The following HUNK variants were observed in gnomAD, a reference collection of about 807,000 sequenced individuals.
HUNK encodes hormonally up-regulated neu tumor-associated kinase.
HUNK carries 21 observed loss-of-function variants against 61.0 expected under a neutral mutation model. That is an observed-to-expected ratio of 0.34 (90% CI 0.24 to 0.50). The LOEUF is 0.50. Among genes scored for constraint, HUNK ranks in the 20% least tolerant of loss-of-function variants. HUNK has a pLI of 0.98. For synonymous variants in HUNK, 371 were observed against 386.1 expected (o/e 0.96, Z 0.46); for missense variants, 772 against 945.7 (o/e 0.82, Z 2.41).
At chr21:31,884,659 C>T (rs1482644266) in intron 1 of HUNK, among the ~76,000 whole-genome samples, 1 of 152,070 alleles carries the variant, frequency 6.6e-6, no homozygotes, top group Non-Finnish European at 1.5e-5. Flanking sequence ...TATGAGGACT[C>T]AGTGAAAAGG....
chr21:31,939,030 C>T (rs2052750810), intron 2 of HUNK, among the ~76,000 whole-genome samples: 1 of 152,152 alleles, frequency 6.6e-6, no homozygotes, highest in Admixed American at 6.5e-5. Context: ...AGACATGTTT[C>T]CTGCCTTCTA....
At chr21:31,939,226 C>G (rs9983259) in intron 2 of HUNK, among the ~76,000 whole-genome samples, 2 of 152,008 alleles carry the variant, frequency 1.3e-5, no homozygotes, top group Admixed American at 6.6e-5. Flanking sequence ...TTAACATGTT[C>G]TCGGGTGTGA....
intron 8 of HUNK, among the ~76,000 whole-genome samples, chr21:31,985,875 C>T (rs1248027038): frequency 6.6e-6 from 1 of 152,136 alleles, no homozygotes; most frequent in Non-Finnish European, 1.5e-5. Context: ...GAGAACATGA[C>T]CTCGATAGAA....
In HUNK at chr21:31,968,218, C is replaced by A. The variant is rs373155988; in HGVS notation, c.875-32C>A. On this transcript the variant is annotated intron_variant, in intron 5 of 10. Transcript: ENST00000270112. ...ACTGGTGTCTGCGTTCAGCCTGTAA[C>A]ATGCGTGCATTCTTTCCCAAATGTC... The A allele has an allele frequency of 3.3e-5, 53 of 1,613,610 alleles. No homozygotes were observed. The Admixed American group carries it at 3.7e-4, about 11-fold the overall frequency.
chr21:31,916,992 T>TAA (rs2052587585), intron 1 of HUNK, among the ~76,000 whole-genome samples: 1 of 152,158 alleles, frequency 6.6e-6, no homozygotes, highest in Non-Finnish European at 1.5e-5. Flanking sequence ...CCTCTCTTTC[T>TAA]GTCTCTCCTG....
intron 2 of HUNK, among the ~76,000 whole-genome samples, chr21:31,931,832 T>A (rs1323413183): frequency 6.6e-6 from 1 of 152,132 alleles, no homozygotes; most frequent in Non-Finnish European, 1.5e-5. Flanking sequence ...GGGCTGGGCA[T>A]GGTCTGTGGA....
chr21:31,905,076 TAAA>T (rs11351717), intron 1 of HUNK, among the ~76,000 whole-genome samples: 19 of 145,086 alleles, frequency 1.3e-4, no homozygotes, highest in Non-Finnish European at 2.0e-4. Context: ...AGACTGTGTC[TAAA>T]AAAAAAAAAA....
intron 5 of HUNK, among the ~76,000 whole-genome samples, chr21:31,965,944 G>A (rs906929658): frequency 1.3e-5 from 2 of 152,110 alleles, no homozygotes; most frequent in African/African-American, 4.8e-5. Context: ...TTGAGGAACA[G>A]GTGGTGTTTG....
chr21:31,905,520 T>C (rs533582933), intron 1 of HUNK, among the ~76,000 whole-genome samples: 1 of 152,334 alleles, frequency 6.6e-6, no homozygotes, highest in East Asian at 1.9e-4. Flanking sequence ...CTTCCCACCA[T>C]GTGCACACGT....
intron 6 of HUNK, among the ~76,000 whole-genome samples, chr21:31,969,445 G>A (rs2052994767): frequency 6.6e-6 from 1 of 152,216 alleles, no homozygotes; most frequent in Non-Finnish European, 1.5e-5. Context: ...TCCATGAGGA[G>A]GGTTCTTTAA....
chr21:31,893,764 G>A (rs902594518), intron 1 of HUNK, among the ~76,000 whole-genome samples: 2 of 152,168 alleles, frequency 1.3e-5, no homozygotes, highest in East Asian at 1.9e-4. Flanking sequence ...AATTCTCCAT[G>A]TTTTTGATCA....
chr21:31,902,722 A>C (rs2052477536), intron 1 of HUNK, among the ~76,000 whole-genome samples: 1 of 152,170 alleles, frequency 6.6e-6, no homozygotes. Flanking sequence ...AGAGCTCATC[A>C]ATTGCATGCT....
intron 2 of HUNK, among the ~76,000 whole-genome samples, chr21:31,929,007 A>G (rs1166256114): frequency 6.6e-6 from 1 of 151,958 alleles, no homozygotes; most frequent in Non-Finnish European, 1.5e-5. Flanking sequence ...TTTTGTGGCT[A>G]TATGTGTACA....
intron 4 of HUNK, among the ~76,000 whole-genome samples, chr21:31,953,173 T>C (rs2052863460): frequency 6.6e-6 from 1 of 152,116 alleles, no homozygotes; most frequent in South Asian, 2.1e-4. Context: ...GGAATTAAGA[T>C]GCTTAATCTG....
At chr21:31,951,368 CT>C (rs2052848794) in intron 4 of HUNK, among the ~76,000 whole-genome samples, 1 of 151,998 alleles carries the variant, frequency 6.6e-6, no homozygotes, top group African/African-American at 2.4e-5. Context: ...TGCAGATGTG[CT>C]TTTTAATTGA....
intron 4 of HUNK, 100 bp from the exon 5 acceptor site, chr21:31,958,743 T>C (rs1318398471): frequency 2.7e-5 from 31 of 1,159,490 alleles, no homozygotes; most frequent in Non-Finnish European, 3.7e-5. Flanking sequence ...GAGGTTGGCA[T>C]GGAAGCAGCA....
chr21:31,948,634 G>T (rs2123833478), intron 4 of HUNK, among the ~76,000 whole-genome samples: 1 of 152,204 alleles, frequency 6.6e-6, no homozygotes, highest in South Asian at 2.1e-4. Context: ...GAGGAGAGAG[G>T]AAGGAGAAAG....
intron 1 of HUNK, among the ~76,000 whole-genome samples, chr21:31,906,468 T>G (rs908628366): frequency 6.6e-6 from 1 of 152,184 alleles, no homozygotes; most frequent in African/African-American, 2.4e-5. Flanking sequence ...AGAATCTCGC[T>G]CTGTCGCCCA....
intron 5 of HUNK, among the ~76,000 whole-genome samples, chr21:31,961,515 A>G (rs1164315089): frequency 6.6e-6 from 1 of 152,206 alleles, no homozygotes; most frequent in African/African-American, 2.4e-5. Flanking sequence ...CATTCCCACT[A>G]GCAATATGTG....
Sources: allele counts gnomAD v4.1 joint callset (sites outside exome capture counted in the v4.1 genomes callset), GRCh38; gene constraint gnomAD v4.1.1; transcripts MANE v1.5; gene names NCBI Gene and HGNC (gene_info 2026-07-23, HGNC 2026-07-21).